MAGI1: variants seen among roughly 807,000 people sequenced by gnomAD.
MAGI1 encodes the protein membrane-associated guanylate kinase, WW and PDZ domain-containing protein 1.
MAGI1 carries 58 observed loss-of-function variants against 139.9 expected under a neutral mutation model. The ratio of observed to expected loss-of-function variants is 0.41; its 90% CI spans 0.34 to 0.52. MAGI1 has a LOEUF of 0.52. Among genes scored for constraint, MAGI1 ranks in the 20% least tolerant of loss-of-function variants. MAGI1 has a pLI of 0.12. For missense variants in MAGI1, 1,874 were observed against 1,901.6 expected (o/e 0.99, Z 0.27); for synonymous variants, 812 against 737.9 (o/e 1.10, Z -1.63).
At chr3:65,472,606 G>C (rs1489490306) in intron 4 of MAGI1, among the ~76,000 whole-genome samples, 1 of 152,202 alleles carries the variant, frequency 6.6e-6, no homozygotes, top group African/African-American at 2.4e-5. Flanking sequence ...AGGACCTCCA[G>C]CTCTTAGGAC....
intron 2 of MAGI1, among the ~76,000 whole-genome samples, chr3:65,505,140 C>A (rs1009096396): frequency 1.3e-5 from 2 of 152,146 alleles, no homozygotes; most frequent in African/African-American, 4.8e-5. Context: ...AGCAGATAGA[C>A]TCTCTCCATT....
At chr3:65,451,601 T>A (rs1166620609) in intron 6 of MAGI1, among the ~76,000 whole-genome samples, 1 of 152,176 alleles carries the variant, frequency 6.6e-6, no homozygotes, top group Non-Finnish European at 1.5e-5. Context: ...CCTCTGAGCA[T>A]CATGGTGACA....
At chr3:65,373,315 GA>G (rs1434503632) in intron 18 of MAGI1, among the ~76,000 whole-genome samples, 3 of 152,160 alleles carry the variant, frequency 2.0e-5, no homozygotes, top group Non-Finnish European at 2.9e-5. Context: ...GGAGCAGTCA[GA>G]ACACATATGA....
intron 1 of MAGI1, among the ~76,000 whole-genome samples, chr3:65,994,817 T>C (rs975490427): frequency 2.0e-5 from 3 of 152,206 alleles, no homozygotes; most frequent in African/African-American, 7.2e-5. Context: ...TCTAGGCACA[T>C]GAAGTGGGTT....
intron 1 of MAGI1, among the ~76,000 whole-genome samples, chr3:65,701,164 T>G (rs2089580567): frequency 1.3e-5 from 2 of 149,856 alleles, no homozygotes; most frequent in South Asian, 4.4e-4. Context: ...CTGTAAGGTT[T>G]TCATGTATCC....
At chr3:65,536,404 G>C (rs1445419784) in intron 2 of MAGI1, among the ~76,000 whole-genome samples, 2 of 152,150 alleles carry the variant, frequency 1.3e-5, no homozygotes, top group South Asian at 2.1e-4. Context: ...AATATTGCTA[G>C]AGCATACCCT....
chr3:65,648,318 C>CGT (rs1559752829), intron 1 of MAGI1, among the ~76,000 whole-genome samples: 1 of 102,772 alleles, frequency 9.7e-6, no homozygotes. Context: ...TGTGTGTGTG[C>CGT]GCGTGCGCGT....
chr3:66,034,887 C>T (rs547847434), intron 1 of MAGI1, among the ~76,000 whole-genome samples: 14 of 151,926 alleles, frequency 9.2e-5, no homozygotes, highest in Admixed American at 2.6e-4. Flanking sequence ...TATGGTAGAT[C>T]TATGGTGCAG....
chr3:65,733,547 A>C (rs570402105), intron 1 of MAGI1, among the ~76,000 whole-genome samples: 41 of 152,336 alleles, frequency 2.7e-4, no homozygotes, highest in African/African-American at 9.9e-4. Flanking sequence ...AATCCAAGAG[A>C]AAAACCAGAG....
chr3:65,734,543 G>GAGAAAGAGAGAA (rs1278859522), intron 1 of MAGI1, among the ~76,000 whole-genome samples: 2 of 147,160 alleles, frequency 1.4e-5, no homozygotes, highest in South Asian at 2.1e-4. Context: ...GGGGGAGAGA[G>GAGAAAGAGAGAA]AGAAAGAGAG....
chr3:65,616,500 G>A (rs1027140558), intron 2 of MAGI1, among the ~76,000 whole-genome samples: 4 of 152,150 alleles, frequency 2.6e-5, no homozygotes, highest in Admixed American at 6.5e-5. Context: ...GGGATAGAGA[G>A]AGATATCATG....
intron 1 of MAGI1, among the ~76,000 whole-genome samples, chr3:65,824,738 C>T (rs1276022117): frequency 6.6e-6 from 1 of 152,170 alleles, no homozygotes; most frequent in East Asian, 1.9e-4. Context: ...GGGGGTTTTA[C>T]CCAGAAAGGC....
intron 1 of MAGI1, among the ~76,000 whole-genome samples, chr3:65,816,808 G>C (rs929303514): frequency 6.6e-6 from 1 of 152,116 alleles, no homozygotes; most frequent in Admixed American, 6.6e-5. Context: ...TAATGCAGAG[G>C]AAAGAAGAGA....
intron 1 of MAGI1, among the ~76,000 whole-genome samples, chr3:65,784,455 C>G (rs1208007010): frequency 2.6e-5 from 4 of 151,928 alleles, no homozygotes; most frequent in African/African-American, 2.4e-5. Context: ...CGTTGGCTCA[C>G]GCCTGTAATC....
intron 2 of MAGI1, among the ~76,000 whole-genome samples, chr3:65,505,478 T>TA (rs869107637): frequency 1.3e-5 from 2 of 151,514 alleles, no homozygotes; most frequent in African/African-American, 2.4e-5. Flanking sequence ...ACCTTGTCTC[T>TA]AAAAAAATTT....
chr3:65,499,033 C>T, intron 2 of MAGI1: 1 of 980,772 alleles, frequency 1.0e-6, no homozygotes, highest in Non-Finnish European at 1.2e-6. Flanking sequence ...AGCATGACAT[C>T]TCAAACAGAT....
intron 1 of MAGI1, among the ~76,000 whole-genome samples, chr3:65,634,961 C>A (rs534973063): frequency 1.3e-5 from 2 of 151,140 alleles, no homozygotes; most frequent in South Asian, 4.1e-4. Flanking sequence ...TAAATATGGA[C>A]AGATGGCATG....
intron 1 of MAGI1, among the ~76,000 whole-genome samples, chr3:66,032,354 G>A (rs2107601132): frequency 6.7e-6 from 1 of 150,050 alleles, no homozygotes; most frequent in African/African-American, 2.4e-5. Context: ...GGGATTACAG[G>A]CGCCCACCAC....
chr3:65,529,886 T>C (rs1234599719), intron 2 of MAGI1, among the ~76,000 whole-genome samples: 8 of 152,312 alleles, frequency 5.3e-5, no homozygotes, highest in Non-Finnish European at 1.0e-4. Context: ...AAGCCTTTGC[T>C]ATACTTGCCT....
Sources: allele counts gnomAD v4.1 joint callset (sites outside exome capture counted in the v4.1 genomes callset), GRCh38; gene constraint gnomAD v4.1.1; transcripts MANE v1.5; gene names NCBI Gene and HGNC (gene_info 2026-07-23, HGNC 2026-07-21).